Variants in HUNK observed in about 807,000 individuals in gnomAD.
HUNK encodes the protein hormonally up-regulated Neu-associated kinase.
HUNK carries 21 observed loss-of-function variants against 61.0 expected under a neutral mutation model. The observed-to-expected ratio is 0.34, with a 90% CI of 0.24 to 0.50. The LOEUF (loss-of-function observed/expected upper bound fraction) is 0.50, where lower values mean the gene tolerates loss of function less well. HUNK is among the 20% of genes least tolerant of loss of function. The pLI is 0.98. For synonymous variants in HUNK, 371 were observed against 386.1 expected (o/e 0.96, Z 0.46); for missense variants, 772 against 945.7 (o/e 0.82, Z 2.41).
At chr21:31,918,012 T>C (rs145057678) in intron 1 of HUNK, among the ~76,000 whole-genome samples, 12 of 152,334 alleles carry the variant, frequency 7.9e-5, no homozygotes, top group Non-Finnish European at 1.8e-4. Context: ...TTTACCCAGT[T>C]AGAGTCAGTG....
At chr21:31,956,557 G>A (rs2052890595) in intron 4 of HUNK, among the ~76,000 whole-genome samples, 1 of 152,074 alleles carries the variant, frequency 6.6e-6, no homozygotes, top group East Asian at 1.9e-4. Flanking sequence ...TATATCACTA[G>A]CCCTGATACT....
chr21:31,980,558 G>A lies in HUNK; in HGVS notation c.1174-2968G>A, dbSNP rs577087173. ...ACCACACGTGGCTAATTTTTGTCAC[G>A]TGGCTAATTTTTGTATGTTTAGTAG... On this transcript the variant is annotated intron_variant, in intron 7 of 10. Coordinates refer to ENST00000270112, the MANE Select transcript of HUNK (RefSeq NM_014586.2). 1.5e-4 allele frequency among the ~76,000 whole-genome samples: 22 copies of A among 150,986 alleles called. No homozygotes were observed. In the South Asian group the frequency reaches 3.1e-3, roughly 22 times the overall value.
intron 1 of HUNK, among the ~76,000 whole-genome samples, chr21:31,913,619 A>C (rs1260345178): frequency 6.6e-6 from 1 of 151,894 alleles, no homozygotes; most frequent in Non-Finnish European, 1.5e-5. Context: ...CAGATTATCC[A>C]GGTGGAGATG....
chr21:31,993,071 G>T (rs1368021936), intron 9 of HUNK, among the ~76,000 whole-genome samples: 1 of 152,164 alleles, frequency 6.6e-6, no homozygotes, highest in African/African-American at 2.4e-5. Context: ...GGTGGTCTTG[G>T]CAGGGTTTCC....
Position 32,000,211 on chromosome 21 carries a change from G to A in HUNK, c.*1027G>A, listed in dbSNP as rs1227053442. 8 of 398,970 alleles carry A rather than the reference G, an allele frequency of 2.0e-5. No individual in the cohort carries two copies. Among genetic ancestry groups the A allele is most frequent in the South Asian group, 1.3e-4 (1 of 7,860 alleles). 24.7% of individuals were successfully genotyped at this position (398,970 alleles called of 1,614,324 possible). ...CGAGAAGGCAGCATTATCTCTGTGCGATGCTGATTTCAAGCTGCCCACAGA... is the reference window on the plus strand; with the variant it reads ...CGAGAAGGCAGCATTATCTCTGTGCAATGCTGATTTCAAGCTGCCCACAGA... On this transcript the variant is annotated 3_prime_UTR_variant, in exon 11 of 11. Coordinates refer to ENST00000270112, the MANE Select transcript of HUNK (RefSeq NM_014586.2).
intron 5 of HUNK, among the ~76,000 whole-genome samples, chr21:31,965,835 C>T (rs2052962341): frequency 1.3e-5 from 2 of 152,210 alleles, no homozygotes; most frequent in African/African-American, 4.8e-5. Context: ...CTCCTGACCT[C>T]AGGTGATCCA....
intron 5 of HUNK, among the ~76,000 whole-genome samples, chr21:31,963,663 A>AT (rs35733968): frequency 0.57 from 85,790 of 151,384 alleles, 27,219 homozygotes; most frequent in Non-Finnish European, 0.71. Flanking sequence ...TGCCCAGCTA[A>AT]TTTTTTTTGG....
At chr21:31,930,916 G>A (rs2052691884) in intron 2 of HUNK, among the ~76,000 whole-genome samples, 1 of 151,904 alleles carries the variant, frequency 6.6e-6, no homozygotes, top group Non-Finnish European at 1.5e-5. Flanking sequence ...AACATTACGG[G>A]AACTCAATAA....
intron 1 of HUNK, among the ~76,000 whole-genome samples, chr21:31,874,202 G>A (rs906741570): frequency 1.2e-5 from 1 of 81,304 alleles, no homozygotes; most frequent in Non-Finnish European, 2.5e-5. Context: ...CGTTCTGCTC[G>A]TGGAAGGGCG....
intron 1 of HUNK, among the ~76,000 whole-genome samples, chr21:31,916,147 T>A (rs1280054829): frequency 7.4e-6 from 1 of 135,716 alleles, no homozygotes; most frequent in Non-Finnish European, 1.5e-5. Context: ...GCCTCCCGGG[T>A]TCATGCCATT....
chr21:31,924,902 G>A lies in HUNK; in HGVS notation c.554+142G>A. 1.4e-6 allele frequency: 1 copy of A among 714,224 alleles called. No individual in the cohort carries two copies. The highest frequency in any genetic ancestry group is 2.1e-6 in the Non-Finnish European group (1 of 472,480). 44.2% of individuals were successfully genotyped at this position (714,224 alleles called of 1,614,324 possible). A position where few individuals can be genotyped will look rare whatever the true frequency, so the allele number is the denominator to read the frequency against. On this transcript the variant is annotated intron_variant, in intron 2 of 10. Coordinates refer to ENST00000270112, the MANE Select transcript of HUNK (RefSeq NM_014586.2). The surrounding 1 kb of genome is among the most constrained non-coding windows in gnomAD (Gnocchi z 5.1). ...GTCTATATTTTAATTTTATTTATTT[G>A]TTTATTTTTTTGAGACGGAGTTTTG...
rs763778045 is a variant in HUNK, at chr21:31,990,122, T to C, written c.1258-7T>C. 122 of 1,613,720 alleles carry C rather than the reference T, an allele frequency of 7.6e-5. No individual in the cohort carries two copies. In the South Asian group the frequency reaches 1.2e-3, roughly 16 times the overall value. The stretch of plus-strand genomic sequence containing the variant: ...CTCGAATTGTTGAAGGATGTTCCTT[T>C]TCACAGGCCTCTCTGGACACCTGGA... On this transcript the variant is annotated splice_region_variant and splice_polypyrimidine_tract_variant and intron_variant, in intron 8 of 10. Coordinates refer to ENST00000270112, the MANE Select transcript of HUNK (RefSeq NM_014586.2).
intron 2 of HUNK, among the ~76,000 whole-genome samples, chr21:31,928,425 A>C (rs1601382976): frequency 6.6e-6 from 1 of 152,218 alleles, no homozygotes; most frequent in African/African-American, 2.4e-5. Flanking sequence ...TCAGAATGTC[A>C]AAGCAATGAA....
chr21:31,886,665 CTT>C (rs71193155), intron 1 of HUNK, among the ~76,000 whole-genome samples: 3 of 146,868 alleles, frequency 2.0e-5, no homozygotes, highest in Non-Finnish European at 3.0e-5. Flanking sequence ...TCAGAAAATA[CTT>C]TTTTTTTTTT....
chr21:31,967,461 G>C (rs1191489702), intron 5 of HUNK, among the ~76,000 whole-genome samples: 2 of 152,132 alleles, frequency 1.3e-5, no homozygotes, highest in East Asian at 1.9e-4. Context: ...AATCTTAAAG[G>C]ATGCAAATGT....
intron 1 of HUNK, among the ~76,000 whole-genome samples, chr21:31,882,577 A>G (rs1196692974): frequency 6.6e-6 from 1 of 152,152 alleles, no homozygotes; most frequent in East Asian, 1.9e-4. Flanking sequence ...TATGGGGTAC[A>G]TGTGAGTGTT....
At chr21:31,979,292 T>C (rs1323940604) in intron 7 of HUNK, among the ~76,000 whole-genome samples, 1 of 151,846 alleles carries the variant, frequency 6.6e-6, no homozygotes, top group East Asian at 1.9e-4. Flanking sequence ...CTAATTTTTG[T>C]ATTTTTAGTA....
intron 1 of HUNK, among the ~76,000 whole-genome samples, chr21:31,919,151 AGGAGGGGCTGGACTGAGCGGTATGAGGT>A (rs2052606091): frequency 1.3e-5 from 1 of 74,966 alleles, no homozygotes; most frequent in African/African-American, 5.8e-5. Context: ...CGGTATGAGG[AGGAGGGGCTGGACTGAGCGGTATGAGGT>A]TGAGGGGCTG....
intron 9 of HUNK, among the ~76,000 whole-genome samples, chr21:31,995,334 C>A (rs1601414996): frequency 6.6e-6 from 1 of 152,216 alleles, no homozygotes; most frequent in African/African-American, 2.4e-5. Context: ...CTTGACTGCC[C>A]CAAATAGAAC....
Sources: allele counts gnomAD v4.1 joint callset (sites outside exome capture counted in the v4.1 genomes callset), GRCh38; gene constraint gnomAD v4.1.1; non-coding constraint Gnocchi (gnomAD v3.1); transcripts MANE v1.5; gene names NCBI Gene and HGNC (gene_info 2026-07-23, HGNC 2026-07-21).